The following ARFGEF3 variants were observed in gnomAD, a reference collection of about 807,000 sequenced individuals.
ARFGEF3 encodes ARFGEF family member 3.
A neutral mutation model predicts 221.7 loss-of-function variants in ARFGEF3; 96 were observed. The ratio of observed to expected loss-of-function variants is 0.43; its 90% CI spans 0.37 to 0.51. ARFGEF3 has a LOEUF of 0.51. Ranked by LOEUF, ARFGEF3 falls within the 20% of genes least tolerant of loss-of-function variation. The pLI is 0.00. For missense variants in ARFGEF3, 2,410 were observed against 2,789.9 expected, an observed-to-expected ratio of 0.86 and a Z score of 3.07; for synonymous variants, 1,145 against 1,126.8, an observed-to-expected ratio of 1.02 and a Z score of -0.32.
chr6:138,263,105 T>G lies in ARFGEF3; in HGVS notation c.1622T>G (p.Ile541Ser). Residue 541 changes from isoleucine to serine, a missense_variant, in exon 12 of 34, where the codon ATC becomes AGC. Physicochemically the swap from Ile to Ser is moderately radical, Grantham distance 142 (BLOSUM62 -2). This residue lies in a region of ARFGEF3 where 594 missense variants were observed against 734.3 expected (regional missense o/e 0.81). Transcript: ENST00000251691. ...AAGAACAGTCTCAAGTCGCCAGCCA[T>G]CCCAGAGGGTAAGGAGACGCTGAGC... ...NHKNSLKSPA[I>S]PEGKETLSKV... is the part of the protein sequence containing the mutation. 1 of 1,613,788 alleles carries G rather than the reference T, an allele frequency of 6.2e-7. No individual in the cohort carries two copies. Among genetic ancestry groups the G allele is most frequent in the South Asian group, 1.1e-5 (1 of 91,074 alleles).
chr6:138,235,576 T>C (rs1359980382), intron 5 of ARFGEF3, among the ~76,000 whole-genome samples: 1 of 152,236 alleles, frequency 6.6e-6, no homozygotes, highest in Admixed American at 6.5e-5. Flanking sequence ...TGATTCAGTG[T>C]GCTCATTTAG....
chr6:138,281,633 A>G (rs955824876), intron 14 of ARFGEF3, among the ~76,000 whole-genome samples: 1 of 152,242 alleles, frequency 6.6e-6, no homozygotes, highest in Non-Finnish European at 1.5e-5. Context: ...TGTTGCAACA[A>G]AGGACATGAT....
chr6:138,226,044 A>G (rs1275333512), intron 4 of ARFGEF3, among the ~76,000 whole-genome samples: 2 of 152,206 alleles, frequency 1.3e-5, no homozygotes, highest in Admixed American at 6.5e-5. Flanking sequence ...CACATGCATG[A>G]TCATGTCTCA....
At chr6:138,286,956 G>A (rs1399776488) in intron 16 of ARFGEF3, 40 bp downstream of exon 16, 4 of 1,604,786 alleles carry the variant, frequency 2.5e-6, no homozygotes, top group Non-Finnish European at 3.4e-6. Context: ...TGGTCCTGCA[G>A]AACTCACTGG....
chr6:138,249,437 C>T (rs1383360709), intron 8 of ARFGEF3, among the ~76,000 whole-genome samples: 2 of 152,206 alleles, frequency 1.3e-5, no homozygotes, highest in African/African-American at 4.8e-5. Context: ...TCAAACAATT[C>T]TCCTGCTTCA....
Position 138,323,691 on chromosome 6 carries a change from G to T in ARFGEF3, c.4787G>T (p.Gly1596Val). The T allele has an allele frequency of 6.2e-7, 1 of 1,613,930 alleles. No individual in the cohort carries two copies. Among genetic ancestry groups the T allele is most frequent in the Non-Finnish European group, 8.5e-7 (1 of 1,179,834 alleles). Residue 1596 changes from glycine to valine, a missense_variant, in exon 30 of 34, where the codon GGC (glycine) becomes GTC (valine). Physicochemically the swap from Gly to Val is moderately radical, Grantham distance 109. Coordinates refer to ENST00000251691, the MANE Select transcript of ARFGEF3 (RefSeq NM_020340.5). The stretch of plus-strand genomic sequence containing the variant: ...GGCAGATACGTCCTTGTGACAGCGG[G>T]CCCTGTGTTCACTGAGGAGATGTGG... ...SCIRYVLVTAGPVFTEEMWRL... is the reference protein window; with the variant it reads ...SCIRYVLVTAVPVFTEEMWRL...
At position 138,343,996 on chromosome 6, in the gene ARFGEF3, A is replaced by G. The variant is rs910716085; in HGVS notation, c.*7510A>G. 6.6e-6 allele frequency: 1 copy of G among 152,170 alleles called. No individual in the cohort carries two copies. The highest frequency in any genetic ancestry group is 1.5e-5 in the Non-Finnish European group (1 of 68,028). 9.4% of individuals were successfully genotyped at this position (152,170 alleles called of 1,614,324 possible). A position where few individuals can be genotyped will look rare whatever the true frequency, so the allele number is the denominator to read the frequency against. On this transcript the variant is annotated 3_prime_UTR_variant, in exon 34 of 34. Coordinates refer to ENST00000251691, the MANE Select transcript of ARFGEF3 (RefSeq NM_020340.5). Reference sequence around the variant, plus strand: ...TTGTGGGGATGGGACAGATAAGAATAAGATGTTTATTGCCCTAATCATGCT... The same window carrying G: ...TTGTGGGGATGGGACAGATAAGAATGAGATGTTTATTGCCCTAATCATGCT...
At chr6:138,210,755 T>C (rs747111878) in intron 4 of ARFGEF3, among the ~76,000 whole-genome samples, 15 of 152,174 alleles carry the variant, frequency 9.9e-5, no homozygotes, top group Non-Finnish European at 2.1e-4. Context: ...TCTGTCCTTT[T>C]CCTCTCTCGG....
In ARFGEF3 at chr6:138,313,876, G is replaced by C. The variant is rs913029260; in HGVS notation, c.4282G>C (p.Glu1428Gln). The change falls in exon 26 of 34, where the codon GAA becomes CAA. Residue 1428 changes from glutamate (E) to glutamine (Q), a missense_variant. This residue lies in a region of ARFGEF3 where 723 missense variants were observed against 991.9 expected (regional missense o/e 0.73). Transcript: ENST00000251691. ...RLAGLPRRLQ[E>Q]QSASSEDGIE... is the part of the protein sequence containing the mutation. ...TGCCGGCTTGCCTCGAAGACTTCAG[G>C]AACAGTCAGCCAGCAGTGAGGATGG... The C allele has an allele frequency of 5.0e-6, 8 of 1,613,892 alleles. No individual in the cohort carries two copies. The highest frequency in any genetic ancestry group is 6.8e-6 in the Non-Finnish European group (8 of 1,179,844).
chr6:138,265,125 G>A lies in ARFGEF3; in HGVS notation c.2128+1514G>A, dbSNP rs569857112. Among the ~76,000 whole-genome samples, 189 of 152,108 alleles carry A rather than the reference G, an allele frequency of 1.2e-3. 1 individual carries two copies. The highest frequency in any genetic ancestry group is 3.1e-3 in the South Asian group (15 of 4,804). On this transcript the variant is annotated intron_variant, in intron 12 of 33. Transcript: ENST00000251691. Reference sequence around the variant, plus strand: ...TCGCTGTGTTAGCCAGGATGGTCTCGATCTCCTGACCTTGTGATCCGCCCG... The same window carrying A: ...TCGCTGTGTTAGCCAGGATGGTCTCAATCTCCTGACCTTGTGATCCGCCCG...
chr6:138,273,450 G>A (rs1779039490), intron 12 of ARFGEF3, among the ~76,000 whole-genome samples: 1 of 152,128 alleles, frequency 6.6e-6, no homozygotes, highest in Non-Finnish European at 1.5e-5. Flanking sequence ...ACTGAACACT[G>A]GGCAATGCAA....
At chr6:138,323,201 A>G (rs557082158) in intron 29 of ARFGEF3, among the ~76,000 whole-genome samples, 85 of 152,306 alleles carry the variant, frequency 5.6e-4, no homozygotes, top group Non-Finnish European at 9.8e-4. Flanking sequence ...AGGAAGTAGT[A>G]TTTTGACAAT....
chr6:138,196,994 C>T (rs149518059), intron 2 of ARFGEF3, among the ~76,000 whole-genome samples: 5,776 of 152,014 alleles, frequency 0.038, 234 homozygotes, highest in African/African-American at 0.099. Context: ...CCACCACGCC[C>T]GGCTAATTTT....
At chr6:138,165,483 AG>A (rs1776706130) in intron 1 of ARFGEF3, among the ~76,000 whole-genome samples, 1 of 144,822 alleles carries the variant, frequency 6.9e-6, no homozygotes, top group South Asian at 2.2e-4. Context: ...CATGGGAGAG[AG>A]GGGGTCATCC....
In ARFGEF3 at chr6:138,336,401, C is replaced by CCTGTCACGTGACCGACATCAGAGTTCG; in HGVS notation, c.6451_6477dup (p.Cys2151_Arg2159dup). On this transcript the variant is annotated inframe_insertion, in exon 34 of 34. Coordinates refer to ENST00000251691, the MANE Select transcript of ARFGEF3 (RefSeq NM_020340.5). ...GTGTTCCCGTGCATCAGTCAGCTGA[C>CCTGTCACGTGACCGACATCAGAGTTCG]CTGTCACGTGACCGACATCAGAGTT... 6.2e-7 allele frequency: 1 copy of CCTGTCACGTGACCGACATCAGAGTTCG among 1,613,530 alleles called. No homozygotes were observed. The highest frequency in any genetic ancestry group is 8.5e-7 in the Non-Finnish European group (1 of 1,179,718).
rs3044801 is a variant in ARFGEF3 at position 138,177,057 on chromosome 6, C to CTTTATTTA, written c.137+6378_137+6385dup. On this transcript the variant is annotated intron_variant, in intron 2 of 33. Transcript: ENST00000251691. ...TGATTTTAAAATTCTTTCACTTTTA[C>CTTTATTTA]TTTATTTATTTATTTATTTATTTAT... 3.7e-3 allele frequency among the ~76,000 whole-genome samples: 536 copies of CTTTATTTA among 146,236 alleles called. 3 individuals are homozygous for CTTTATTTA. The highest frequency in any genetic ancestry group is 4.9e-3 in the Non-Finnish European group (330 of 66,720).
rs749916055 is a variant in ARFGEF3, at chr6:138,218,198, T to C, written c.351+8157T>C. The C allele has an allele frequency of 5.6e-6, 9 of 1,613,834 alleles. No homozygotes were observed. In the Admixed American group the frequency reaches 1.5e-4, roughly 27 times the overall value. The stretch of plus-strand genomic sequence containing the variant: ...GTTCTATGGAATAATCAATGAACTC[T>C]GTTGCCTTTTGACTTCTTTTTACTT... On this transcript the variant is annotated intron_variant, in intron 4 of 33. Coordinates refer to ENST00000251691, the MANE Select transcript of ARFGEF3 (RefSeq NM_020340.5).
At chr6:138,290,919 T>A (rs1039350598) in intron 18 of ARFGEF3, among the ~76,000 whole-genome samples, 2 of 151,828 alleles carry the variant, frequency 1.3e-5, no homozygotes, top group Admixed American at 6.6e-5. Context: ...TCTTTATTGC[T>A]CTAACAAGAA....
chr6:138,235,767 TG>T (rs66947764), intron 5 of ARFGEF3, among the ~76,000 whole-genome samples: 15,041 of 152,224 alleles, frequency 0.099, 1,054 homozygotes, highest in East Asian at 0.37. Context: ...CATTTCTTTC[TG>T]GGTACCTAAA....
Sources: gnomAD v4.1 joint callset for allele counts (sites outside exome capture counted in the v4.1 genomes callset) on GRCh38, gnomAD v4.1.1 for gene constraint, gnomAD v4.1.1 regional missense constraint, MANE v1.5 for transcripts, NCBI Gene and HGNC (gene_info 2026-07-23, HGNC 2026-07-21) for gene names.